The following WT1 variants were observed in gnomAD, a reference collection of about 807,000 sequenced individuals.
WT1 encodes Wilms tumor protein.
WT1 carries 8 observed loss-of-function variants against 60.8 expected under a neutral mutation model. The observed-to-expected ratio is 0.13, with a 90% CI of 0.08 to 0.24. WT1 has a LOEUF of 0.24. Among genes scored for constraint, WT1 ranks in the 10% least tolerant of loss-of-function variants. WT1 has a pLI of 1.00. For synonymous variants in WT1, 312 were observed against 297.1 expected (o/e 1.05, Z -0.52); for missense variants, 568 against 711.8 (o/e 0.80, Z 2.30).
chr11:32,430,394 G>A (rs2133083895), intron 1 of WT1: 1 of 1,304,940 alleles, frequency 7.7e-7, no homozygotes, highest in South Asian at 1.4e-5. Context: ...ATTTCTGAAA[G>A]GACACTAAAA....
At chr11:32,412,074 C>A (rs1387620796) in intron 5 of WT1, among the ~76,000 whole-genome samples, 1 of 152,124 alleles carries the variant, frequency 6.6e-6, no homozygotes, top group Non-Finnish European at 1.5e-5. Context: ...AGAAGTAAAT[C>A]TCTTGGACGG....
At chr11:32,410,874 CTT>C (rs1372972430) in intron 5 of WT1, among the ~76,000 whole-genome samples, 1 of 152,128 alleles carries the variant, frequency 6.6e-6, no homozygotes, top group African/African-American at 2.4e-5. Context: ...TTCTGGATAA[CTT>C]TTTATTAGTG....
Position 32,389,164 on chromosome 11 carries a change from C to T in WT1, c.1463G>A (p.Ser488Asn), listed in dbSNP as rs267602849. 6.8e-6 allele frequency: 11 copies of T among 1,614,130 alleles called. No homozygotes were observed. The highest frequency in any genetic ancestry group is 9.3e-6 in the Non-Finnish European group (11 of 1,180,012). The change falls in exon 10 of 10, where the codon AGC becomes AAC. Residue 488 changes from serine to asparagine, a missense_variant. Around this residue, in one of 3 missense-constraint regions of WT1, gnomAD observed 29 missense variants for 46.8 expected, o/e 0.62. Transcript: ENST00000452863. ...TTTCTGACAACTTGGCCACCGACAG[C>T]TGAAGGGCTTTTCACCTGTTGACAC... is the stretch of plus-strand genomic sequence containing the variant.
At chr11:32,404,812 A>G (rs1852260716) in intron 5 of WT1, among the ~76,000 whole-genome samples, 2 of 152,138 alleles carry the variant, frequency 1.3e-5, no homozygotes, top group Non-Finnish European at 2.9e-5. Context: ...CTTGCATACC[A>G]CTAACCAACC....
chr11:32,431,450 T>A (rs1323855463), intron 1 of WT1, among the ~76,000 whole-genome samples: 1 of 123,770 alleles, frequency 8.1e-6, no homozygotes, highest in Non-Finnish European at 1.7e-5. Flanking sequence ...TTTTTTTTTT[T>A]TTCCGAGACG....
chr11:32,403,444 C>T (rs1234454674), intron 5 of WT1, among the ~76,000 whole-genome samples: 2 of 152,128 alleles, frequency 1.3e-5, no homozygotes, highest in Non-Finnish European at 2.9e-5. Context: ...AGCTTATGCC[C>T]AACAGTTGAT....
At chr11:32,399,905 G>T (rs1362018807) in intron 6 of WT1, 43 bp downstream of exon 6, 1 of 1,601,982 alleles carries the variant, frequency 6.2e-7, no homozygotes, top group Non-Finnish European at 8.5e-7. Context: ...GTAGGAAGAG[G>T]CAGTGCGGCC....
At chr11:32,399,742 G>A (rs1852089506) in intron 6 of WT1, among the ~76,000 whole-genome samples, 1 of 152,264 alleles carries the variant, frequency 6.6e-6, no homozygotes. Flanking sequence ...CTTGCGCAGC[G>A]TCAGGCAGCG....
intron 9 of WT1, among the ~76,000 whole-genome samples, chr11:32,389,822 T>A (rs1851765640): frequency 6.6e-6 from 1 of 152,178 alleles, no homozygotes; most frequent in South Asian, 2.1e-4. Context: ...AGATTTTTAA[T>A]AAGCTTGCCA....
At chr11:32,399,156 C>CA (rs890562481) in intron 6 of WT1, among the ~76,000 whole-genome samples, 1,090 of 53,860 alleles carry the variant, frequency 0.02, 15 homozygotes, top group African/African-American at 0.057. Context: ...ACTCCCATCT[C>CA]AAAAAAAAAA....
At chr11:32,399,916 C>T (rs1373278770) in intron 6 of WT1, 32 bp downstream of exon 6, 3 of 1,611,604 alleles carry the variant, frequency 1.9e-6, no homozygotes, top group Admixed American at 3.3e-5. Context: ...CAGTGCGGCC[C>T]CCTTCCCGCT....
Position 32,392,894 on chromosome 11 carries a change from C to G in WT1, c.1265-139G>C, listed in dbSNP as rs1445110310. On this transcript the variant is annotated intron_variant, in intron 7 of 9. Transcript: ENST00000452863. ...GGAGCTTGTTAGGGTAGGATGATCCCCAACTTGCAAGTTACAAATGAATGG... is the reference window on the plus strand; with the variant it reads ...GGAGCTTGTTAGGGTAGGATGATCCGCAACTTGCAAGTTACAAATGAATGG... 5 of 728,452 alleles carry G rather than the reference C, an allele frequency of 6.9e-6. No individual in the cohort carries two copies. The Admixed American group carries it at 1.0e-4, about 15-fold the overall frequency. The allele number at this position is 728,452 out of a possible 1,614,324, so 45.1% of individuals were successfully genotyped here.
chr11:32,428,595 C>T lies in WT1; in HGVS notation c.686G>A (p.Gly229Glu). Residue 229 changes from glycine (G) to glutamate (E), a missense_variant, in exon 2 of 10, where the codon GGG (glycine) becomes GAG (glutamate). By Grantham distance (98) the Gly-to-Glu change is moderately conservative. This residue lies in a region of WT1 where 523 missense variants were observed against 565.1 expected (regional missense o/e 0.93). Coordinates refer to ENST00000452863, the MANE Select transcript of WT1 (RefSeq NM_024426.6). ...GGGCGTGTGACCGTAGCTGGGCGTCCCGTCGAAGGTGACCGTGCTGTAACC... is the reference window on the plus strand; with the variant it reads ...GGGCGTGTGACCGTAGCTGGGCGTCTCGTCGAAGGTGACCGTGCTGTAACC... 1 of 1,613,806 alleles carries T rather than the reference C, an allele frequency of 6.2e-7. No individual in the cohort carries two copies. The highest frequency in any genetic ancestry group is 8.5e-7 in the Non-Finnish European group (1 of 1,180,012).
At position 32,435,125 on chromosome 11, in the gene WT1, C is replaced by G; in HGVS notation, c.236G>C (p.Arg79Pro). ...GGCGGGCAGCAGCGCGTTCAGGTCC[C>G]GCACGTCGGAGCCCATTTGCTGCGG... The change falls in exon 1 of 10, where the codon CGG (arginine) becomes CCG (proline). Residue 79 changes from arginine to proline, a missense_variant. Physicochemically the swap from Arg to Pro is moderately radical, Grantham distance 103. This residue lies in a region of WT1 where 523 missense variants were observed against 565.1 expected (regional missense o/e 0.93). Transcript: ENST00000452863. 6.6e-7 allele frequency: 1 copy of G among 1,516,974 alleles called. No homozygotes were observed. Among genetic ancestry groups the G allele is most frequent in the Non-Finnish European group, 8.8e-7 (1 of 1,140,096 alleles). 94.0% of individuals were successfully genotyped at this position (1,516,974 alleles called of 1,614,324 possible). A position where few individuals can be genotyped will look rare whatever the true frequency, so the allele number is the denominator to read the frequency against.
intron 3 of WT1, among the ~76,000 whole-genome samples, chr11:32,422,031 G>T (rs535820401): frequency 6.6e-6 from 1 of 152,300 alleles, no homozygotes; most frequent in Non-Finnish European, 1.5e-5. Context: ...TTCGGTAATA[G>T]CTGTGTCCCA....
chr11:32,407,719 T>C (rs1001091644), intron 5 of WT1, among the ~76,000 whole-genome samples: 7 of 152,108 alleles, frequency 4.6e-5, no homozygotes, highest in Non-Finnish European at 8.8e-5. Flanking sequence ...TTCTTTTCAG[T>C]GTTGACAATA....
chr11:32,398,103 C>T (rs1372291093), intron 6 of WT1, among the ~76,000 whole-genome samples: 3 of 152,126 alleles, frequency 2.0e-5, no homozygotes, highest in Admixed American at 1.3e-4. Context: ...CCTAAACCGT[C>T]GTCAGATTTC....
chr11:32,417,718 A>C, intron 3 of WT1, 64 bp from the exon 4 acceptor site: 1 of 1,414,640 alleles, frequency 7.1e-7, no homozygotes, highest in Non-Finnish European at 1.0e-6. Context: ...CTGTTTCTTC[A>C]AAAGCAATGG....
chr11:32,404,517 G>A (rs1339782267), intron 5 of WT1, among the ~76,000 whole-genome samples: 1 of 151,928 alleles, frequency 6.6e-6, no homozygotes, highest in Non-Finnish European at 1.5e-5. Context: ...CGGGAGAGGA[G>A]GTTCAGGGTA....
Sources: allele counts gnomAD v4.1 joint callset (sites outside exome capture counted in the v4.1 genomes callset), GRCh38; gene constraint gnomAD v4.1.1; regional missense constraint gnomAD v4.1.1; transcripts MANE v1.5; gene names NCBI Gene and HGNC (gene_info 2026-07-23, HGNC 2026-07-21).